Variants in GNA14 observed in about 807,000 individuals in gnomAD.
GNA14 encodes the protein G protein subunit alpha 14, also known as guanine nucleotide-binding protein subunit alpha-14.
In GNA14, 50 loss-of-function variants were observed where a neutral mutation model predicts 42.0. That is an observed-to-expected ratio of 1.19 (90% CI 0.95 to 1.51). GNA14 has a LOEUF of 1.51. GNA14 is among the 40% of genes most tolerant of loss of function. GNA14 has a pLI of 0.00. For synonymous variants in GNA14, 173 were observed against 163.1 expected (o/e 1.06, Z -0.46); for missense variants, 473 against 446.2 (o/e 1.06, Z -0.54).
chr9:77,613,498 T>C (rs1823763278), intron 1 of GNA14, among the ~76,000 whole-genome samples: 1 of 152,216 alleles, frequency 6.6e-6, no homozygotes, highest in Non-Finnish European at 1.5e-5. Flanking sequence ...CAATAATACA[T>C]TGTATCCTTA....
chr9:77,563,479 T>C (rs1822915203), intron 1 of GNA14, among the ~76,000 whole-genome samples: 2 of 152,154 alleles, frequency 1.3e-5, no homozygotes, highest in African/African-American at 4.8e-5. Context: ...AGGTCAATGA[T>C]GGAGAAATGT....
intron 3 of GNA14, among the ~76,000 whole-genome samples, chr9:77,433,678 C>T (rs1835595315): frequency 6.6e-6 from 1 of 152,182 alleles, no homozygotes; most frequent in African/African-American, 2.4e-5. Flanking sequence ...GAAAATCTGT[C>T]ATCTCTATGG....
At chr9:77,485,797 T>A (rs1434501434) in intron 2 of GNA14, among the ~76,000 whole-genome samples, 2 of 152,176 alleles carry the variant, frequency 1.3e-5, no homozygotes, top group East Asian at 3.9e-4. Flanking sequence ...GAAAGGAATC[T>A]TTTTTGCTAA....
At chr9:77,597,544 A>C (rs577276784) in intron 1 of GNA14, among the ~76,000 whole-genome samples, 4 of 152,008 alleles carry the variant, frequency 2.6e-5, no homozygotes, top group Admixed American at 2.6e-4. Context: ...ATTTTCTTCA[A>C]TAAGCTTTTA....
Position 77,647,661 on chromosome 9 carries a change from G to A in GNA14, c.124+9C>T. On this transcript the variant is annotated intron_variant, in intron 1 of 6. Coordinates refer to ENST00000341700, the MANE Select transcript of GNA14 (RefSeq NM_004297.4). ...CCGGCTCACTGGAGTCGGAGACGCA[G>A]CCACTCACCCAGCAGCAGCAGCTTA... The A allele has an allele frequency of 6.2e-7, 1 of 1,606,876 alleles. No individual in the cohort carries two copies. The highest frequency in any genetic ancestry group is 8.5e-7 in the Non-Finnish European group (1 of 1,177,206).
intron 2 of GNA14, among the ~76,000 whole-genome samples, chr9:77,500,166 G>A (rs1298948293): frequency 6.6e-6 from 1 of 151,986 alleles, no homozygotes; most frequent in East Asian, 1.9e-4. Context: ...GGGATTACAG[G>A]CATGCACCAC....
Position 77,627,273 on chromosome 9 carries a change from G to A in GNA14, c.124+20397C>T, listed in dbSNP as rs192560586. On this transcript the variant is annotated intron_variant, in intron 1 of 6. Transcript: ENST00000341700. Reference sequence around the variant, plus strand: ...ATGAACCAAAAAAAGGCCAGGAACAGATGGATTCACAGCCAAATTCTACCA... The same window carrying A: ...ATGAACCAAAAAAAGGCCAGGAACAAATGGATTCACAGCCAAATTCTACCA... 4.6e-5 allele frequency among the ~76,000 whole-genome samples: 7 copies of A among 152,270 alleles called. No homozygotes were observed. In the East Asian group the frequency reaches 1.4e-3, roughly 29 times the overall value.
intron 1 of GNA14, among the ~76,000 whole-genome samples, chr9:77,640,871 C>CA (rs1178043976): frequency 0.11 from 2,906 of 27,250 alleles, 174 homozygotes; most frequent in African/African-American, 0.17. Flanking sequence ...ATAAAATGCT[C>CA]AAAAAAAAAA....
chr9:77,591,193 A>G (rs1249711131), intron 1 of GNA14, among the ~76,000 whole-genome samples: 1 of 152,148 alleles, frequency 6.6e-6, no homozygotes, highest in Non-Finnish European at 1.5e-5. Context: ...TTCCTACAGC[A>G]GGTGTTTTCC....
chr9:77,467,128 C>T (rs1335259012), intron 2 of GNA14, among the ~76,000 whole-genome samples: 2 of 151,436 alleles, frequency 1.3e-5, no homozygotes, highest in African/African-American at 2.4e-5. Context: ...AGTTAAAGAG[C>T]GTCTCTTTCT....
At chr9:77,561,617 T>C (rs186124700) in intron 1 of GNA14, among the ~76,000 whole-genome samples, 6 of 152,244 alleles carry the variant, frequency 3.9e-5, no homozygotes, top group South Asian at 4.1e-4. Context: ...AGGGCAAATA[T>C]TATATGAGGG....
At chr9:77,490,989 A>C (rs1225343245) in intron 2 of GNA14, among the ~76,000 whole-genome samples, 3 of 152,258 alleles carry the variant, frequency 2.0e-5, no homozygotes, top group Non-Finnish European at 4.4e-5. Context: ...AGAAGCAAAT[A>C]AAATATAAAG....
At chr9:77,570,666 T>C (rs775659469) in intron 1 of GNA14, among the ~76,000 whole-genome samples, 5 of 152,216 alleles carry the variant, frequency 3.3e-5, no homozygotes, top group Non-Finnish European at 7.3e-5. Flanking sequence ...TTGTTTCCAC[T>C]CTTTGGCTAC....
intron 2 of GNA14, among the ~76,000 whole-genome samples, chr9:77,491,590 G>A (rs1015705547): frequency 6.6e-6 from 1 of 152,118 alleles, no homozygotes; most frequent in Admixed American, 6.6e-5. Context: ...TGATAAAGGG[G>A]TCAATTTGGC....
chr9:77,464,968 A>C (rs961782702), intron 2 of GNA14, among the ~76,000 whole-genome samples: 1 of 152,202 alleles, frequency 6.6e-6, no homozygotes, highest in Admixed American at 6.5e-5. Context: ...TGGGGGTTAC[A>C]TGGCCACAAG....
At position 77,548,935 on chromosome 9, in the gene GNA14, C is replaced by CT. The variant is rs532648214; in HGVS notation, c.125-19683dup. On this transcript the variant is annotated intron_variant, in intron 1 of 6. Transcript: ENST00000341700. ...TTTACTATTTAATGAGAAAGCCTTT[C>CT]TTTTTTTTTTTCTTTTTTTTTCTAA... 5.6e-3 allele frequency among the ~76,000 whole-genome samples: 826 copies of CT among 148,214 alleles called. 8 individuals are homozygous for CT. The highest frequency in any genetic ancestry group is 0.018 in the African/African-American group (719 of 40,784).
intron 1 of GNA14, among the ~76,000 whole-genome samples, chr9:77,575,973 A>C (rs1430489283): frequency 1.3e-5 from 2 of 152,248 alleles, no homozygotes; most frequent in Admixed American, 6.5e-5. Flanking sequence ...AGGGGGTAGA[A>C]GCTGCACCGC....
At chr9:77,635,920 C>G (rs1416149140) in intron 1 of GNA14, among the ~76,000 whole-genome samples, 1 of 152,080 alleles carries the variant, frequency 6.6e-6, no homozygotes, top group South Asian at 2.1e-4. Context: ...TAGGAAGGAA[C>G]CAATTTTTAA....
intron 2 of GNA14, among the ~76,000 whole-genome samples, chr9:77,459,943 C>T (rs557316236): frequency 5.9e-5 from 9 of 152,258 alleles, no homozygotes; most frequent in Admixed American, 2.0e-4. Flanking sequence ...TGTCCTTGTG[C>T]GGGCACCAAT....
Sources: gnomAD v4.1 joint callset for allele counts (sites outside exome capture counted in the v4.1 genomes callset) on GRCh38, gnomAD v4.1.1 for gene constraint, MANE v1.5 for transcripts, NCBI Gene and HGNC (gene_info 2026-07-23, HGNC 2026-07-21) for gene names.